Variants in OTOGL observed in about 807,000 individuals in gnomAD.
The protein encoded by OTOGL is otogelin-like protein.
In OTOGL, 285 loss-of-function variants were observed where a neutral mutation model predicts 318.5. The observed-to-expected ratio is 0.89, with a 90% CI of 0.81 to 0.99. The LOEUF is 0.99. Ranked by LOEUF, OTOGL falls within the 50% of genes least tolerant of loss-of-function variation. OTOGL has a pLI of 0.00. For missense variants in OTOGL, 2,899 were observed against 2,845.6 expected (o/e 1.02, Z -0.43); for synonymous variants, 987 against 936.5 (o/e 1.05, Z -0.99).
intron 1 of OTOGL, among the ~76,000 whole-genome samples, chr12:80,203,790 C>T: frequency 6.6e-6 from 1 of 152,152 alleles, no homozygotes; most frequent in East Asian, 1.9e-4. Context: ...TTAATTTTCT[C>T]AAGAAGCTAG....
chr12:80,110,067 C>CTTTTTTT (rs35589524), intron 1 of OTOGL, among the ~76,000 whole-genome samples: 8 of 103,736 alleles, frequency 7.7e-5, no homozygotes, highest in African/African-American at 1.1e-4. Context: ...TTCTTTCTTT[C>CTTTTTTT]TTTTTTTTTT....
chr12:80,301,265 TA>T (rs1484794083), intron 27 of OTOGL, among the ~76,000 whole-genome samples: 1 of 152,212 alleles, frequency 6.6e-6, no homozygotes, highest in African/African-American at 2.4e-5. Flanking sequence ...TCAGATTCAA[TA>T]TAGCCATGTG....
chr12:80,232,284 A>G (rs1592580998), intron 8 of OTOGL, among the ~76,000 whole-genome samples: 1 of 152,196 alleles, frequency 6.6e-6, no homozygotes, highest in Admixed American at 6.5e-5. Flanking sequence ...CTAATATTGT[A>G]CTTTGTGGCA....
At chr12:80,188,091 G>C (rs1411848243) in intron 1 of OTOGL, among the ~76,000 whole-genome samples, 1 of 152,148 alleles carries the variant, frequency 6.6e-6, no homozygotes, top group Non-Finnish European at 1.5e-5. Flanking sequence ...AATTGTCAAT[G>C]ATGTTATTTG....
chr12:80,198,769 T>A (rs1876258906), intron 1 of OTOGL, among the ~76,000 whole-genome samples: 1 of 152,178 alleles, frequency 6.6e-6, no homozygotes, highest in Non-Finnish European at 1.5e-5. Flanking sequence ...TTCTTTCACC[T>A]CATGCCCCAT....
intron 1 of OTOGL, among the ~76,000 whole-genome samples, chr12:80,122,894 T>TTTTTCA: frequency 9.7e-6 from 1 of 103,472 alleles, no homozygotes; most frequent in African/African-American, 4.5e-5. Context: ...TTATTTTTAT[T>TTTTTCA]TTTTTATTTT....
intron 1 of OTOGL, among the ~76,000 whole-genome samples, chr12:80,124,868 T>C (rs1388870569): frequency 6.6e-6 from 1 of 152,232 alleles, no homozygotes; most frequent in Admixed American, 6.5e-5. Context: ...AGAATGCTTG[T>C]GATTTTCGTA....
intron 1 of OTOGL, among the ~76,000 whole-genome samples, chr12:80,112,981 T>C (rs1369325525): frequency 6.6e-6 from 1 of 152,172 alleles, no homozygotes; most frequent in East Asian, 1.9e-4. Context: ...GGTTTAGTCT[T>C]GGGAAGGTGT....
At position 80,278,218 on chromosome 12, in the gene OTOGL, T is replaced by C. The variant is rs1883952427; in HGVS notation, c.2732T>C (p.Ile911Thr). 6.5e-7 allele frequency: 1 copy of C among 1,547,158 alleles called. No homozygotes were observed. Among genetic ancestry groups the C allele is most frequent in the Non-Finnish European group, 8.7e-7 (1 of 1,144,466 alleles). ...TATGTTCCTGAAAGCTGCCCATGTA[T>C]TTGGAAAGATTGGGAGTATCTCTCA... The part of the protein sequence containing the change: ...KCYVPESCPC[I>T]WKDWEYLSGE... Residue 911 changes from isoleucine (I) to threonine (T), a missense_variant, in exon 25 of 59, where the codon ATT (isoleucine) becomes ACT (threonine). Around this residue, in one of 3 missense-constraint regions of OTOGL, gnomAD observed 2,607 missense variants for 2,524.9 expected, o/e 1.03. Transcript: ENST00000547103.
chr12:80,357,062 A>G, intron 49 of OTOGL, 148 bp downstream of exon 49: 1 of 466,742 alleles, frequency 2.1e-6, no homozygotes, highest in Admixed American at 4.2e-5. Flanking sequence ...TAAAGAAAGT[A>G]TGACATTTTA....
intron 30 of OTOGL, 39 bp from the exon 31 acceptor site, chr12:80,313,437 A>G (rs753267612): frequency 3.9e-6 from 6 of 1,536,924 alleles, no homozygotes; most frequent in South Asian, 2.3e-5. Flanking sequence ...CATAATCAGT[A>G]TCTATTGAAA....
chr12:80,152,831 C>T (rs1272827633), intron 1 of OTOGL, among the ~76,000 whole-genome samples: 1 of 152,096 alleles, frequency 6.6e-6, no homozygotes, highest in Non-Finnish European at 1.5e-5. Flanking sequence ...TACCACCCAG[C>T]TGGTGGTATG....
At chr12:80,291,625 A>G (rs1885048798) in intron 26 of OTOGL, among the ~76,000 whole-genome samples, 1 of 152,232 alleles carries the variant, frequency 6.6e-6, no homozygotes, top group Non-Finnish European at 1.5e-5. Context: ...ACAAGGTGTC[A>G]GGCCAGTCTG....
chr12:80,272,356 G>A (rs1330237756), intron 24 of OTOGL, among the ~76,000 whole-genome samples: 1 of 115,310 alleles, frequency 8.7e-6, no homozygotes, highest in Non-Finnish European at 1.8e-5. Context: ...GTGTGTGTGT[G>A]TGTGTGTGTG....
At chr12:80,345,239 A>C (rs12422798) in intron 44 of OTOGL, among the ~76,000 whole-genome samples, 3 of 136,472 alleles carry the variant, frequency 2.2e-5, no homozygotes, top group Admixed American at 1.5e-4. Flanking sequence ...ATATATATAT[A>C]TTTTTTTGAA....
rs1211840914 is a variant in OTOGL, at chr12:80,366,308, T to G, written c.6268-266T>G. ...GCAGACATCAGAACCCTAGGCTGCC[T>G]TGGTAGAGCAGATCAAGAACATTTC... On this transcript the variant is annotated intron_variant, in intron 52 of 58. Transcript: ENST00000547103. 1.5e-5 allele frequency: 7 copies of G among 453,744 alleles called. No individual in the cohort carries two copies. In the Admixed American group the frequency reaches 1.7e-4, roughly 11 times the overall value. 28.1% of individuals were successfully genotyped at this position (453,744 alleles called of 1,614,324 possible).
chr12:80,231,594 A>C (rs978314290), intron 8 of OTOGL, among the ~76,000 whole-genome samples: 3 of 152,054 alleles, frequency 2.0e-5, no homozygotes, highest in Non-Finnish European at 4.4e-5. Context: ...ACATTATGGT[A>C]TATAATTTTT....
intron 18 of OTOGL, 48 bp from the exon 19 acceptor site, chr12:80,261,921 C>T (rs1470720646): frequency 1.3e-6 from 2 of 1,579,290 alleles, no homozygotes; most frequent in Admixed American, 3.5e-5. Flanking sequence ...AGGTTATGAA[C>T]AAATGAATGA....
chr12:80,290,245 G>A (rs1418633007), intron 26 of OTOGL, among the ~76,000 whole-genome samples: 1 of 151,770 alleles, frequency 6.6e-6, no homozygotes, highest in African/African-American at 2.4e-5. Context: ...GTCCTAGAGA[G>A]ATGAACTGGG....
Sources: allele counts gnomAD v4.1 joint callset (sites outside exome capture counted in the v4.1 genomes callset), GRCh38; gene constraint gnomAD v4.1.1; regional missense constraint gnomAD v4.1.1; transcripts MANE v1.5; gene names NCBI Gene and HGNC (gene_info 2026-07-23, HGNC 2026-07-21).